Variants in MYH7B observed in about 807,000 individuals in gnomAD.
MYH7B encodes myosin-7B.
MYH7B carries 205 observed loss-of-function variants against 234.5 expected under a neutral mutation model. The observed-to-expected ratio is 0.87, with a 90% CI of 0.78 to 0.98. The LOEUF (loss-of-function observed/expected upper bound fraction) is 0.98, where lower values mean the gene tolerates loss of function less well. Ranked by LOEUF, MYH7B falls within the 50% of genes least tolerant of loss-of-function variation. The pLI is 0.00. For missense variants in MYH7B, 2,652 were observed against 2,633.4 expected (o/e 1.01, Z -0.15); for synonymous variants, 1,193 against 1,105.0 (o/e 1.08, Z -1.58).
At position 34,985,968 on chromosome 20, in the gene MYH7B, A is replaced by C. The variant is rs1395525885; in HGVS notation, c.806-132A>C. The C allele has an allele frequency of 1.2e-5, 9 of 729,994 alleles. No individual in the cohort carries two copies. The African/African-American group carries it at 1.6e-4, about 13-fold the overall frequency. The allele number at this position is 729,994 out of a possible 1,614,324, so 45.2% of individuals were successfully genotyped here. On this transcript the variant is annotated intron_variant, in intron 13 of 44. Transcript: ENST00000262873. ...CAGGCACAGGGGAGATACCCTCCCC[A>C]CACAAGCTGGCAGGTGCAGATGCAG...
intron 2 of MYH7B, among the ~76,000 whole-genome samples, chr20:34,968,560 C>T (rs1483113081): frequency 6.6e-6 from 1 of 152,162 alleles, no homozygotes; most frequent in Non-Finnish European, 1.5e-5. Flanking sequence ...GTGGTCTGTA[C>T]ACCCCTTCTC....
At chr20:34,977,819 T>C (rs951288976) in intron 4 of MYH7B, 115 bp from the exon 5 acceptor site, 15 of 1,507,326 alleles carry the variant, frequency 1.0e-5, no homozygotes, top group African/African-American at 1.4e-5. Flanking sequence ...GCATGTATGC[T>C]GGGCACTCAC....
intron 10 of MYH7B, among the ~76,000 whole-genome samples, chr20:34,983,288 CTTTT>C (rs1333763123): frequency 4.7e-5 from 3 of 64,098 alleles, no homozygotes; most frequent in African/African-American, 2.2e-4. Flanking sequence ...TCTTTCTTTT[CTTTT>C]CTTTTCTTTT....
At chr20:34,961,672 G>A (rs1475013849) in intron 2 of MYH7B, among the ~76,000 whole-genome samples, 2 of 152,066 alleles carry the variant, frequency 1.3e-5, no homozygotes, top group African/African-American at 2.4e-5. Flanking sequence ...CCCAGCCCCT[G>A]GCAACCAGTA....
At chr20:35,001,925 C>G (rs374512290) in intron 43 of MYH7B, 23 bp from the exon 44 acceptor site, 29 of 1,607,102 alleles carry the variant, frequency 1.8e-5, no homozygotes, top group Non-Finnish European at 2.4e-5. Flanking sequence ...CAAGCGGAAC[C>G]AAGGCCCTGT....
chr20:34,998,770 C>G, exon 35 of MYH7B: 1 of 1,612,944 alleles, frequency 6.2e-7, no homozygotes, highest in African/African-American at 1.3e-5. Context: ...CGACTGTGAC[C>G]TCCTGCGGGA....
At chr20:34,987,973 T>G in intron 18 of MYH7B, 59 bp downstream of exon 18, 1 of 1,557,324 alleles carries the variant, frequency 6.4e-7, no homozygotes, top group Non-Finnish European at 8.7e-7. Context: ...CATGGGCCTG[T>G]GGGGGGGCAG....
At chr20:34,995,071 A>G (rs1008405703) in intron 27 of MYH7B, among the ~76,000 whole-genome samples, 1 of 152,228 alleles carries the variant, frequency 6.6e-6, no homozygotes, top group African/African-American at 2.4e-5. Context: ...CGGGGCAGTG[A>G]GCAGCGGGCT....
chr20:34,977,380 G>A (rs892059798), intron 3 of MYH7B, among the ~76,000 whole-genome samples: 9 of 151,904 alleles, frequency 5.9e-5, no homozygotes, highest in Non-Finnish European at 1.0e-4. Flanking sequence ...TTCTCCCCGT[G>A]AGCTCTTCAG....
chr20:34,987,635 T>G (rs750330627), exon 17 of MYH7B: 24 of 1,614,024 alleles, frequency 1.5e-5, no homozygotes, highest in Non-Finnish European at 1.9e-5. Context: ...CGGGTGCGTG[T>G]AGGGAACGAG....
At chr20:34,991,257 TC>T in intron 24 of MYH7B, 136 bp downstream of exon 24, 1 of 645,950 alleles carries the variant, frequency 1.5e-6, no homozygotes, top group Non-Finnish European at 2.6e-6. Context: ...TGGCCAGGTA[TC>T]CCAGCAAGAC....
chr20:34,973,925 A>ATTT (rs34442200), intron 2 of MYH7B, among the ~76,000 whole-genome samples: 1 of 121,434 alleles, frequency 8.2e-6, no homozygotes, highest in Non-Finnish European at 1.7e-5. Flanking sequence ...TGCCTGGCTA[A>ATTT]TTTTTTTTTT....
At chr20:34,998,791 G>A in exon 35 of MYH7B, 1 of 1,613,304 alleles carries the variant, frequency 6.2e-7, no homozygotes, top group Non-Finnish European at 8.5e-7. Context: ...GCAACACGAG[G>A]AGGAGGCTGA....
rs1569042667 is a variant in MYH7B at position 34,986,878 on chromosome 20, G to A, written c.905-8G>A. 5.6e-6 allele frequency: 9 copies of A among 1,611,766 alleles called. No individual in the cohort carries two copies. The highest frequency in any genetic ancestry group is 7.6e-6 in the Non-Finnish European group (9 of 1,177,926). On this transcript the variant is annotated splice_region_variant and splice_polypyrimidine_tract_variant and intron_variant, in intron 14 of 44. Coordinates refer to ENST00000262873, the Ensembl canonical transcript of MYH7B. ...CCTGACCCTCCCTTCTCTGCCCTGTGTCCCCAGACATGCTGCTTCTGTCTA... is the reference window on the plus strand; with the variant it reads ...CCTGACCCTCCCTTCTCTGCCCTGTATCCCCAGACATGCTGCTTCTGTCTA...
At position 34,978,039 on chromosome 20, in the gene MYH7B, C is replaced by T. The variant is rs759103855; in HGVS notation, c.34C>T (p.Arg12Cys). 92 of 1,614,102 alleles carry T rather than the reference C, an allele frequency of 5.7e-5. No individual in the cohort carries two copies. The South Asian group carries it at 6.5e-4, about 11-fold the overall frequency. Residue 12 changes from arginine (R) to cysteine (C), a missense_variant, in exon 5 of 45, where the codon CGC (arginine) becomes TGC (cysteine). Physicochemically the swap from Arg to Cys is radical, Grantham distance 180. This residue lies in a region of MYH7B where 366 missense variants were observed against 401.2 expected (regional missense o/e 0.91). Transcript: ENST00000262873. The stretch of plus-strand genomic sequence containing the variant: ...TGTGAGTGAACTTGGGGAGTCTGCC[C>T]GCTACCTCCGCCAGGGCTACCAGGA...
At chr20:34,994,293 G>A in exon 27 of MYH7B, 1 of 1,611,330 alleles carries the variant, frequency 6.2e-7, no homozygotes, top group Non-Finnish European at 8.5e-7. Context: ...CAGAGCTGCG[G>A]GGGTTGCGAG....
At chr20:34,993,874 C>G (rs1016329332) in intron 26 of MYH7B, among the ~76,000 whole-genome samples, 1 of 152,212 alleles carries the variant, frequency 6.6e-6, no homozygotes, top group Non-Finnish European at 1.5e-5. Context: ...CACGTCAGCC[C>G]AGGCCGCTGA....
intron 2 of MYH7B, among the ~76,000 whole-genome samples, chr20:34,969,540 CTTTT>C (rs770172832): frequency 3.8e-4 from 48 of 126,786 alleles, no homozygotes; most frequent in African/African-American, 1.3e-3. Context: ...TCTTCTGCTC[CTTTT>C]TTTTTTTTTT....
At chr20:34,993,256 T>C in intron 25 of MYH7B, 31 bp downstream of exon 25, 1 of 1,614,012 alleles carries the variant, frequency 6.2e-7, no homozygotes, top group East Asian at 2.2e-5. Context: ...GGGCTGGCCA[T>C]GGCTGTGGCG....
Sources: allele counts gnomAD v4.1 joint callset (sites outside exome capture counted in the v4.1 genomes callset), GRCh38; gene constraint gnomAD v4.1.1; regional missense constraint gnomAD v4.1.1; transcripts MANE v1.5; gene names NCBI Gene and HGNC (gene_info 2026-07-23, HGNC 2026-07-21).